The following MOCOS variants were observed in gnomAD, a reference collection of about 807,000 sequenced individuals.
MOCOS encodes molybdenum cofactor sulfurase, also known as human molybdenum cofactor sulfurase.
A neutral mutation model predicts 83.6 loss-of-function variants in MOCOS; 86 were observed. The observed-to-expected ratio is 1.03, with a 90% CI of 0.86 to 1.23. The LOEUF is 1.23. MOCOS is among the 50% of genes most tolerant of loss of function. MOCOS has a pLI of 0.00. For missense variants in MOCOS, 1,120 were observed against 1,126.9 expected (o/e 0.99, Z 0.09); for synonymous variants, 445 against 434.7 (o/e 1.02, Z -0.29).
chr18:36,245,057 G>C (rs2091597706), intron 9 of MOCOS, among the ~76,000 whole-genome samples: 2 of 152,118 alleles, frequency 1.3e-5, no homozygotes, highest in South Asian at 4.1e-4. Flanking sequence ...TAGATACTTG[G>C]TTGGTGGATT....
intron 9 of MOCOS, among the ~76,000 whole-genome samples, chr18:36,222,352 G>A (rs2091499367): frequency 6.6e-6 from 1 of 152,088 alleles, no homozygotes; most frequent in South Asian, 2.1e-4. Flanking sequence ...ACCCACCAGT[G>A]GTTGCAAGGG....
intron 14 of MOCOS, among the ~76,000 whole-genome samples, chr18:36,267,107 C>CA (rs199868648): frequency 2.3e-3 from 345 of 151,238 alleles, no homozygotes; most frequent in African/African-American, 7.6e-3. Context: ...ATATGGAGTA[C>CA]AAAAAAAACA....
intron 6 of MOCOS, 40 bp downstream of exon 6, chr18:36,205,316 A>G: frequency 6.3e-7 from 1 of 1,576,676 alleles, no homozygotes; most frequent in Non-Finnish European, 8.7e-7. Flanking sequence ...ATTACAACTC[A>G]TCCTAGTTCC....
At chr18:36,214,206 T>C (rs1174088302) in intron 7 of MOCOS, among the ~76,000 whole-genome samples, 3 of 134,866 alleles carry the variant, frequency 2.2e-5, no homozygotes, top group African/African-American at 8.6e-5. Flanking sequence ...ATTCTGCCAT[T>C]GCACTCCAGC....
chr18:36,203,730 G>A (rs1251033339), intron 5 of MOCOS, among the ~76,000 whole-genome samples: 1 of 152,220 alleles, frequency 6.6e-6, no homozygotes, highest in Non-Finnish European at 1.5e-5. Flanking sequence ...CCTGGCCATT[G>A]CTCTTTTGTC....
chr18:36,189,740 A>G (rs1453312885), intron 1 of MOCOS: 1 of 152,214 alleles, frequency 6.6e-6, no homozygotes, highest in Admixed American at 6.5e-5. Context: ...GAGGGGGATG[A>G]CCTAGAGCTG....
chr18:36,240,720 C>A (rs1273023145), intron 9 of MOCOS, among the ~76,000 whole-genome samples: 2 of 152,194 alleles, frequency 1.3e-5, no homozygotes, highest in African/African-American at 4.8e-5. Context: ...ATGGTGGGCG[C>A]CCCTCCCCCA....
At chr18:36,198,805 C>A in intron 3 of MOCOS, 49 bp downstream of exon 3, 1 of 1,590,698 alleles carries the variant, frequency 6.3e-7, no homozygotes, top group Non-Finnish European at 8.6e-7. Context: ...GGCAGACAGA[C>A]TTCCTTCCTA....
At chr18:36,205,928 CG>C (rs1236103206) in intron 6 of MOCOS, among the ~76,000 whole-genome samples, 1 of 152,030 alleles carries the variant, frequency 6.6e-6, no homozygotes, top group Non-Finnish European at 1.5e-5. Context: ...TTAGTAGATA[CG>C]GGGTTTCACC....
At chr18:36,202,694 G>A (rs188342913) in intron 4 of MOCOS, among the ~76,000 whole-genome samples, 3 of 152,308 alleles carry the variant, frequency 2.0e-5, no homozygotes, top group Non-Finnish European at 4.4e-5. Flanking sequence ...CCAAGACTGG[G>A]TAATTTATAA....
intron 11 of MOCOS, among the ~76,000 whole-genome samples, chr18:36,252,631 G>T (rs1399496731): frequency 5.3e-5 from 8 of 152,124 alleles, no homozygotes; most frequent in Admixed American, 4.6e-4. Context: ...GACTGAGATG[G>T]GAGGATCTTT....
rs2091689244 is a variant in MOCOS at position 36,268,600 on chromosome 18, G to A, written c.2582G>A (p.Gly861Glu). 3.7e-6 allele frequency: 6 copies of A among 1,614,070 alleles called. No individual in the cohort carries two copies. Among genetic ancestry groups the A allele is most frequent in the Non-Finnish European group, 5.1e-6 (6 of 1,180,010 alleles). Residue 861 changes from glycine (G) to glutamate (E), a missense_variant, in exon 15 of 15, where the codon GGA (glycine) becomes GAA (glutamate). Gly to Glu is a moderately conservative substitution (Grantham distance 98). Transcript: ENST00000261326. ...DLSSPCFLSV[G>E]SQVLPVLKEN... ...TCCTCCCCATGTTTCCTGTCTGTAG[G>A]ATCTCAGGTGCTCCCTGTGTTGAAA...
At chr18:36,231,734 C>T (rs577257097) in intron 9 of MOCOS, among the ~76,000 whole-genome samples, 94 of 152,278 alleles carry the variant, frequency 6.2e-4, no homozygotes, top group African/African-American at 1.8e-3. Context: ...CAATGACCCA[C>T]GATGTGGATG....
At chr18:36,241,063 C>T (rs1162065529) in intron 9 of MOCOS, among the ~76,000 whole-genome samples, 1 of 152,304 alleles carries the variant, frequency 6.6e-6, no homozygotes, top group East Asian at 1.9e-4. Context: ...AACCCAGTAC[C>T]TCAGATGAAA....
At chr18:36,266,902 TC>T in intron 14 of MOCOS, 49 bp downstream of exon 14, 1 of 1,413,402 alleles carries the variant, frequency 7.1e-7, no homozygotes, top group Non-Finnish European at 1.0e-6. Context: ...CCTGGTGTTA[TC>T]AATACCAGAA....
chr18:36,244,171 T>C (rs1438495570), intron 9 of MOCOS, among the ~76,000 whole-genome samples: 2 of 152,090 alleles, frequency 1.3e-5, no homozygotes, highest in Non-Finnish European at 2.9e-5. Context: ...TGGTTTGGGT[T>C]TGATTTTTTC....
At chr18:36,230,335 T>C (rs368938536) in intron 9 of MOCOS, among the ~76,000 whole-genome samples, 16 of 152,090 alleles carry the variant, frequency 1.1e-4, no homozygotes, top group African/African-American at 3.6e-4. Flanking sequence ...TCCACCCACC[T>C]TGGTCTCCCA....
At chr18:36,205,016 A>AT in intron 5 of MOCOS, 61 bp from the exon 6 acceptor site, 1 of 1,242,580 alleles carries the variant, frequency 8.0e-7, no homozygotes, top group Non-Finnish European at 1.1e-6. Context: ...AAAAAAAAAA[A>AT]GAGTGAATTG....
At chr18:36,203,309 A>G (rs2091421763) in intron 5 of MOCOS, 120 bp downstream of exon 5, 1 of 934,676 alleles carries the variant, frequency 1.1e-6, no homozygotes, top group Non-Finnish European at 1.7e-6. Flanking sequence ...CACTCCATGT[A>G]GTTAAATTTG....
Sources: allele counts gnomAD v4.1 joint callset (sites outside exome capture counted in the v4.1 genomes callset), GRCh38; gene constraint gnomAD v4.1.1; transcripts MANE v1.5; gene names NCBI Gene and HGNC (gene_info 2026-07-23, HGNC 2026-07-21).